CKMT2: variants seen among roughly 807,000 people sequenced by gnomAD.
CKMT2 encodes the protein creatine kinase S-type, mitochondrial.
A neutral mutation model predicts 48.9 loss-of-function variants in CKMT2; 43 were observed. The observed-to-expected ratio is 0.88, with a 90% CI of 0.69 to 1.13. The LOEUF is 1.13. Among genes scored for constraint, CKMT2 ranks in the 50% most tolerant of loss-of-function variants. The pLI is 0.00. For synonymous variants in CKMT2, 206 were observed against 213.0 expected, an observed-to-expected ratio of 0.97 and a Z score of 0.29; for missense variants, 472 against 555.4, an observed-to-expected ratio of 0.85 and a Z score of 1.51.
rs748029660 is a variant in CKMT2, at chr5:81,261,118, CAT to C, written c.1014+1865_1014+1866del. ...TGAACAGAACCAATGACAAAAACCA[CAT>C]GATTATCTCAATAGATGCAGAAAAG... On this transcript the variant is annotated intron_variant, in intron 8 of 9. Coordinates refer to ENST00000254035, the MANE Select transcript of CKMT2 (RefSeq NM_001099735.2). Among the ~76,000 whole-genome samples the C allele has an allele frequency of 3.7e-4, 57 of 152,338 alleles. 1 individual carries two copies. The highest frequency in any genetic ancestry group is 3.4e-3 in the Middle Eastern group (1 of 294).
chr5:81,251,280 C>T lies in CKMT2; in HGVS notation c.148C>T (p.Pro50Ser). The T allele has an allele frequency of 6.2e-7, 1 of 1,613,884 alleles. No homozygotes were observed. The highest frequency in any genetic ancestry group is 8.5e-7 in the Non-Finnish European group (1 of 1,179,952). ...CCGGGAGCAGCCTAGGCTATTTCCT[C>T]CAAGGTAAGGGCTCCTGACTTTAAA... ...EVREQPRLFP[P>S]SADYPDLRKH... The change falls in exon 2 of 10, where the codon CCA becomes TCA. Residue 50 changes from proline to serine, a missense_variant. By Grantham distance (74) the Pro-to-Ser change is moderately conservative. Coordinates refer to ENST00000254035, the MANE Select transcript of CKMT2 (RefSeq NM_001099735.2).
At chr5:81,245,782 C>T (rs777378023) in intron 1 of CKMT2, among the ~76,000 whole-genome samples, 7 of 152,082 alleles carry the variant, frequency 4.6e-5, no homozygotes, top group Admixed American at 2.0e-4. Context: ...GTGAAGAGTC[C>T]CAGCAGCTGT....
In CKMT2 at chr5:81,254,521, C is replaced by G. The variant is rs199944303; in HGVS notation, c.447+30C>G. The G allele has an allele frequency of 1.9e-6, 3 of 1,594,428 alleles. No individual in the cohort carries two copies. In the South Asian group the frequency reaches 3.3e-5, roughly 18 times the overall value. Reference sequence around the variant, plus strand: ...GCTCCAGCCTCCCTCTCCTTCCCCACGAAGCTGGCACTCCTGAGCCCAAGG... The same window carrying G: ...GCTCCAGCCTCCCTCTCCTTCCCCAGGAAGCTGGCACTCCTGAGCCCAAGG... On this transcript the variant is annotated intron_variant, in intron 4 of 9. Coordinates refer to ENST00000254035, the MANE Select transcript of CKMT2 (RefSeq NM_001099735.2).
At chr5:81,250,992 G>A (rs1026719008) in intron 1 of CKMT2, 121 bp from the exon 2 acceptor site, 2 of 598,092 alleles carry the variant, frequency 3.3e-6, no homozygotes, top group African/African-American at 5.2e-5. Flanking sequence ...AAGAGAGAGA[G>A]AGAGACAGAG....
At chr5:81,249,849 A>C (rs1347648506) in intron 1 of CKMT2, among the ~76,000 whole-genome samples, 1 of 152,208 alleles carries the variant, frequency 6.6e-6, no homozygotes, top group South Asian at 2.1e-4. Flanking sequence ...TTATCAAAAA[A>C]TCAGCTCGTT....
At chr5:81,257,604 TAAGAGATTAGGGCCATC>T (rs1409468173) in intron 6 of CKMT2, 112 bp from the exon 7 acceptor site, 1 of 707,026 alleles carries the variant, frequency 1.4e-6, no homozygotes, top group Non-Finnish European at 2.3e-6. Context: ...CAGGCACAGT[TAAGAGATTAGGGCCATC>T]TAGGAAATGA....
chr5:81,243,024 T>C (rs1391689324), intron 1 of CKMT2, among the ~76,000 whole-genome samples: 2 of 152,242 alleles, frequency 1.3e-5, no homozygotes, highest in Non-Finnish European at 2.9e-5. Context: ...ACTTCCCTAA[T>C]TGCTGGCTGT....
intron 8 of CKMT2, among the ~76,000 whole-genome samples, chr5:81,261,550 A>G (rs981430173): frequency 2.6e-5 from 4 of 151,344 alleles, no homozygotes; most frequent in African/African-American, 7.2e-5. Context: ...ATTCCTATAC[A>G]CCAATAGACA....
rs1432547778 is a variant in CKMT2, at chr5:81,259,152, G to A, written c.912G>A (p.Glu304=). Residue 304 remains glutamate (E), a synonymous_variant, in exon 8 of 10, where the codon GAG becomes GAA. Coordinates refer to ENST00000254035, the MANE Select transcript of CKMT2 (RefSeq NM_001099735.2). The part of the protein sequence containing the change: ...VERLIQERGW[E]FMWNERLGYI... Reference sequence around the variant, plus strand: ...GGTTAATCCAAGAACGAGGCTGGGAGTTCATGTGGAATGAGCGCCTAGGAT... The same window carrying A: ...GGTTAATCCAAGAACGAGGCTGGGAATTCATGTGGAATGAGCGCCTAGGAT... 1.9e-6 allele frequency: 3 copies of A among 1,613,814 alleles called. No homozygotes were observed. Among genetic ancestry groups the A allele is most frequent in the Admixed American group, 3.3e-5 (2 of 59,994 alleles).
At chr5:81,264,222 G>C (rs983463157) in intron 9 of CKMT2, among the ~76,000 whole-genome samples, 2 of 152,210 alleles carry the variant, frequency 1.3e-5, no homozygotes, top group African/African-American at 2.4e-5. Context: ...CTGAAACAAT[G>C]AATGAGGCAA....
Position 81,256,946 on chromosome 5 carries a change from C to T in CKMT2, c.701C>T (p.Pro234Leu), listed in dbSNP as rs1281926764. Residue 234 changes from proline (P) to leucine (L), a missense_variant, in exon 6 of 10, where the codon CCT becomes CTT. Transcript: ENST00000254035. ...DHFLFDKPVS[P>L]LLTCAGMARD... ...TTTCTGTTTGATAAGCCAGTGTCCC[C>T]TTTATTAACATGTGCTGGGATGGCC... is the stretch of plus-strand genomic sequence containing the variant. 1.2e-6 allele frequency: 2 copies of T among 1,614,062 alleles called. No homozygotes were observed. Among genetic ancestry groups the T allele is most frequent in the East Asian group, 4.5e-5 (2 of 44,872 alleles).
intron 1 of CKMT2, among the ~76,000 whole-genome samples, chr5:81,248,376 A>T (rs1024981520): frequency 1.3e-5 from 2 of 152,146 alleles, no homozygotes; most frequent in East Asian, 3.9e-4. Flanking sequence ...TCTACAGTAA[A>T]CCTCTAGAGT....
chr5:81,238,895 C>T (rs1032264748), intron 1 of CKMT2: 4 of 152,246 alleles, frequency 2.6e-5, no homozygotes, highest in African/African-American at 9.7e-5. Flanking sequence ...AGTGATCTGT[C>T]TCCCCCACCT....
intron 3 of CKMT2, 140 bp downstream of exon 3, chr5:81,253,033 T>C: frequency 1.2e-6 from 1 of 853,184 alleles, no homozygotes; most frequent in Non-Finnish European, 1.9e-6. Context: ...GGAAGCCAGC[T>C]CCAGCAGAAC....
At chr5:81,244,847 AT>A (rs71000809) in intron 1 of CKMT2, 31,532 of 113,550 alleles carry the variant, frequency 0.28, 3,051 homozygotes, top group Admixed American at 0.35. Context: ...CCCCCTCACT[AT>A]TTTTTTTTTT....
At chr5:81,251,412 C>T (rs968367153) in intron 2 of CKMT2, 128 bp downstream of exon 2, 2 of 918,076 alleles carry the variant, frequency 2.2e-6, no homozygotes, top group African/African-American at 1.7e-5. Context: ...ATGGTGAAAC[C>T]CCATCTCTAC....
chr5:81,244,032 C>G (rs1182220407), intron 1 of CKMT2: 1 of 985,314 alleles, frequency 1.0e-6, no homozygotes, highest in East Asian at 1.1e-4. Context: ...GCCTCTTTCC[C>G]CAAAAATAGA....
At chr5:81,242,060 C>T (rs1025176160) in intron 1 of CKMT2, among the ~76,000 whole-genome samples, 6 of 152,052 alleles carry the variant, frequency 3.9e-5, no homozygotes, top group African/African-American at 1.2e-4. Flanking sequence ...GTGTCACATA[C>T]GGACATCTCT....
chr5:81,260,632 C>T (rs1757188378), intron 8 of CKMT2, among the ~76,000 whole-genome samples: 1 of 152,142 alleles, frequency 6.6e-6, no homozygotes, highest in African/African-American at 2.4e-5. Flanking sequence ...GGATAAATTC[C>T]TGGACACATA....
Sources: allele counts gnomAD v4.1 joint callset (sites outside exome capture counted in the v4.1 genomes callset), GRCh38; gene constraint gnomAD v4.1.1; transcripts MANE v1.5; gene names NCBI Gene and HGNC (gene_info 2026-07-23, HGNC 2026-07-21).